Variants in JAKMIP3 observed in about 807,000 individuals in gnomAD.
JAKMIP3 encodes the protein Janus kinase and microtubule interacting protein 3.
Under a neutral mutation model 118.5 loss-of-function variants are expected in JAKMIP3, and 58 were observed. That is an observed-to-expected ratio of 0.49 (90% CI 0.40 to 0.61). The LOEUF (loss-of-function observed/expected upper bound fraction) is 0.61, where lower values mean the gene tolerates loss of function less well. JAKMIP3 is among the 20% of genes least tolerant of loss of function. The pLI, the probability that JAKMIP3 is intolerant of heterozygous loss-of-function variation, is 0.00. For synonymous variants in JAKMIP3, 486 were observed against 451.2 expected, an observed-to-expected ratio of 1.08 and a Z score of -0.98; for missense variants, 950 against 1,109.0, an observed-to-expected ratio of 0.86 and a Z score of 2.04.
Position 132,058,337 on chromosome 10 carries a change from A to T in JAKMIP3, c.-138+21599A>T, listed in dbSNP as rs12219757. ...GGGCTCTGGAAGTAGCCCCTGCTGC[A>T]GCCCAAATCAGCTCCGTAGACCAGG... is the stretch of plus-strand genomic sequence containing the variant. On this transcript the variant is annotated intron_variant, in intron 1 of 23. Coordinates refer to the JAKMIP3 transcript ENST00000657785. Among the ~76,000 whole-genome samples, 1,522 of 152,342 alleles carry T rather than the reference A, an allele frequency of 1.0e-2. 131 individuals carry two copies. In the East Asian group the frequency reaches 0.22, roughly 22 times the overall value.
chr10:132,140,345 A>C (rs1031480276), intron 9 of JAKMIP3, 106 bp from the exon 10 acceptor site: 40 of 1,475,582 alleles, frequency 2.7e-5, no homozygotes, highest in Non-Finnish European at 3.3e-5. Context: ...AGTGTGTCGC[A>C]GGGTGGGGCT....
intron 11 of JAKMIP3, 79 bp downstream of exon 11, chr10:132,142,127 C>CCCT: frequency 7.0e-7 from 1 of 1,433,110 alleles, no homozygotes; most frequent in Non-Finnish European, 9.3e-7. Flanking sequence ...TGGGACACCC[C>CCCT]CCTCACTAGC....
At chr10:132,114,007 G>A (rs575029043) in intron 2 of JAKMIP3, among the ~76,000 whole-genome samples, 2 of 152,332 alleles carry the variant, frequency 1.3e-5, no homozygotes, top group South Asian at 4.1e-4. Context: ...GCAGTGATCT[G>A]GGCCAGGCCC....
upstream of JAKMIP3, among the ~76,000 whole-genome samples, chr10:132,063,172 A>G (rs897635275): frequency 3.3e-5 from 5 of 152,144 alleles, no homozygotes; most frequent in African/African-American, 1.2e-4. Context: ...GGGAAAGGGA[A>G]GCCAGGGACG....
chr10:132,065,748 C>G (rs1010950849), upstream of JAKMIP3, among the ~76,000 whole-genome samples: 1 of 152,026 alleles, frequency 6.6e-6, no homozygotes, highest in Non-Finnish European at 1.5e-5. The surrounding 1 kb of genome is among the most constrained non-coding windows in gnomAD (Gnocchi z 5.6). Context: ...AGCGTCTGTT[C>G]GCGCCCTGCA....
Position 132,109,085 on chromosome 10 carries a change from T to TACACACACATATATATATAC in JAKMIP3, c.135+4182_135+4201dup, listed in dbSNP as rs1564908362. 1.9e-4 allele frequency among the ~76,000 whole-genome samples: 25 copies of TACACACACATATATATATAC among 128,854 alleles called. 2 individuals are homozygous for TACACACACATATATATATAC. Among genetic ancestry groups the TACACACACATATATATATAC allele is most frequent in the South Asian group, 4.7e-4 (2 of 4,292 alleles). The allele number at this position is 128,854 out of a possible 152,430, so 84.5% of individuals were successfully genotyped here. Reference sequence around the variant, plus strand: ...ACATATACACACATACACATATATATACACACACATATATATATACACACA... The same window carrying TACACACACATATATATATAC: ...ACATATACACACATACACATATATATACACACACATATATATATACACACACACATATATATATACACACA... On this transcript the variant is annotated intron_variant, in intron 2 of 23. Coordinates refer to ENST00000684848, the MANE Select transcript of JAKMIP3 (RefSeq NM_001323087.2).
intron 1 of JAKMIP3, among the ~76,000 whole-genome samples, chr10:132,056,015 T>G (rs997157704): frequency 1.3e-5 from 2 of 152,208 alleles, no homozygotes; most frequent in Non-Finnish European, 2.9e-5. Flanking sequence ...CTGGGGACAC[T>G]TGAGTCCGCC....
At chr10:132,099,073 T>C (rs1411366567) in intron 1 of JAKMIP3, among the ~76,000 whole-genome samples, 4 of 151,818 alleles carry the variant, frequency 2.6e-5, no homozygotes, top group Non-Finnish European at 5.9e-5. Context: ...TCACAGGAGG[T>C]GGCTCTGAAG....
rs754914333 is a variant in JAKMIP3, at chr10:132,149,446, A to G, written c.1883A>G (p.His628Arg). The G allele has an allele frequency of 6.2e-7, 1 of 1,606,344 alleles. No homozygotes were observed. Among genetic ancestry groups the G allele is most frequent in the South Asian group, 1.1e-5 (1 of 89,564 alleles). ...RERKSPAISF[H>R]HTPFVDGKSP... ...AGGAAGTCACCCGCCATCAGCTTCC[A>G]CCACACGCCCTTCGTGGACGGGAAG... Residue 628 changes from histidine to arginine, a missense_variant, in exon 15 of 24, where the codon CAC becomes CGC. Coordinates refer to ENST00000684848, the MANE Select transcript of JAKMIP3 (RefSeq NM_001323087.2).
intron 3 of JAKMIP3, among the ~76,000 whole-genome samples, chr10:132,121,983 T>C (rs886279555): frequency 6.6e-6 from 1 of 152,186 alleles, no homozygotes; most frequent in African/African-American, 2.4e-5. Flanking sequence ...GATTCAAGGT[T>C]CTGCCTCCCT....
chr10:132,117,199 G>A lies in JAKMIP3; in HGVS notation c.258G>A (p.Glu86=), dbSNP rs757200962. Residue 86 remains glutamate (E), a synonymous_variant, in exon 3 of 24, where the codon GAG becomes GAA. Coordinates refer to ENST00000684848, the MANE Select transcript of JAKMIP3 (RefSeq NM_001323087.2). The surrounding 1 kb of genome is among the most constrained non-coding windows in gnomAD (Gnocchi z 8.6). ...AGCTGCACGAGGAGAAGATGAAGGA[G>A]CTACAGGCTGTGCGTGAGACGCTGC... The part of the protein sequence containing the change: ...KTKLHEEKMK[E]LQAVRETLLR... 1 of 1,613,974 alleles carries A rather than the reference G, an allele frequency of 6.2e-7. No individual in the cohort carries two copies. The highest frequency in any genetic ancestry group is 1.1e-5 in the South Asian group (1 of 91,092).
chr10:132,166,948 C>G (rs563531228), intron 21 of JAKMIP3, 35 bp from the exon 22 acceptor site: 1 of 1,418,396 alleles, frequency 7.1e-7, no homozygotes, highest in East Asian at 2.5e-5. Context: ...CTCTTTCTTT[C>G]CTTCCGTTTC....
chr10:132,075,404 C>CTT (rs2040628239), intron 1 of JAKMIP3, among the ~76,000 whole-genome samples: 5 of 93,328 alleles, frequency 5.4e-5, no homozygotes, highest in Admixed American at 2.8e-4. Flanking sequence ...ATATACTTCA[C>CTT]CTCTTTTTTT....
chr10:132,174,867 A>C lies in JAKMIP3; in HGVS notation c.*1103+5834A>C, dbSNP rs76099109. On this transcript the variant is annotated intron_variant, in intron 23 of 23. Coordinates refer to ENST00000684848, the MANE Select transcript of JAKMIP3 (RefSeq NM_001323087.2). ...ATCTTGCTACTGACTAATGATGTTG[A>C]GCATCTTTTTGTGTGTTGATTTTCC... 5.0e-3 allele frequency among the ~76,000 whole-genome samples: 761 copies of C among 152,122 alleles called. 6 individuals carry two copies. Among genetic ancestry groups the C allele is most frequent in the African/African-American group, 0.017 (713 of 41,476 alleles).
At chr10:132,094,047 C>T (rs1344965826) in intron 1 of JAKMIP3, among the ~76,000 whole-genome samples, 1 of 149,514 alleles carries the variant, frequency 6.7e-6, no homozygotes, top group African/African-American at 2.5e-5. Flanking sequence ...AAGCAATTCT[C>T]TTGCCTCAGC....
intron 19 of JAKMIP3, among the ~76,000 whole-genome samples, chr10:132,156,885 T>C (rs1428737605): frequency 6.6e-6 from 1 of 152,136 alleles, no homozygotes; most frequent in Non-Finnish European, 1.5e-5. Flanking sequence ...GCATTTTTTT[T>C]CTGAATGAAA....
Position 132,177,457 on chromosome 10 carries a change from C to T in JAKMIP3, c.*1104-4900C>T, listed in dbSNP as rs552382768. On this transcript the variant is annotated intron_variant, in intron 23 of 23. Transcript: ENST00000684848. ...TTGCTCCTGTGCCCTGGGTAGTGTGCATGTGTGTGTGCACACTGTGCATTT... is the reference window on the plus strand; with the variant it reads ...TTGCTCCTGTGCCCTGGGTAGTGTGTATGTGTGTGTGCACACTGTGCATTT... Among the ~76,000 whole-genome samples, 759 of 149,132 alleles carry T rather than the reference C, an allele frequency of 5.1e-3. 5 individuals carry two copies. Among genetic ancestry groups the T allele is most frequent in the African/African-American group, 0.018 (711 of 40,532 alleles).
chr10:132,065,212 C>T (rs994442492), upstream of JAKMIP3, among the ~76,000 whole-genome samples: 7 of 152,072 alleles, frequency 4.6e-5, no homozygotes, highest in African/African-American at 7.2e-5. This position sits in a 1 kb window ranked among gnomAD's most constrained non-coding sequence, Gnocchi z 5.6. Flanking sequence ...CTGTCAGACC[C>T]TGCGTTTTCT....
Position 132,048,679 on chromosome 10 carries a change from T to TTTTC in JAKMIP3, c.-138+11944_-138+11945insCTTT, listed in dbSNP as rs1438240202. ...GACTGTTTCTTTTCTTTTTTTTTTT[T>TTTTC]TTTGAGATGGAGTCTTGCTCTGTCA... is the stretch of plus-strand genomic sequence containing the variant. On this transcript the variant is annotated intron_variant, in intron 1 of 23. Transcript: ENST00000657785. Among the ~76,000 whole-genome samples, 716 of 150,190 alleles carry TTTTC rather than the reference T, an allele frequency of 4.8e-3. 7 individuals carry two copies. The highest frequency in any genetic ancestry group is 8.6e-3 in the Non-Finnish European group (577 of 67,376).
Sources: gnomAD v4.1 joint callset for allele counts (sites outside exome capture counted in the v4.1 genomes callset) on GRCh38, gnomAD v4.1.1 for gene constraint, Gnocchi (gnomAD v3.1) non-coding constraint, MANE v1.5 for transcripts, NCBI Gene and HGNC (gene_info 2026-07-23, HGNC 2026-07-21) for gene names.